The following RALA variants were observed in gnomAD, a reference collection of about 807,000 sequenced individuals.
RALA encodes RAS like proto-oncogene A, also known as ras-related protein Ral-A.
A neutral mutation model predicts 24.0 loss-of-function variants in RALA; 5 were observed. The observed-to-expected ratio is 0.21, with a 90% CI of 0.11 to 0.44. The LOEUF (loss-of-function observed/expected upper bound fraction) is 0.44. Ranked by LOEUF, RALA falls within the 20% of genes least tolerant of loss-of-function variation. The probability of loss-of-function intolerance (pLI) is 0.99; values close to 1 mark genes in which losing one functional copy is unlikely to be tolerated. For missense variants in RALA, 95 were observed against 241.2 expected (o/e 0.39, Z 4.01); for synonymous variants, 77 against 83.8 (o/e 0.92, Z 0.44).
chr7:39,674,042 T>TAAAAAAAAAAAAAAAA (rs367907893), intron 1 of RALA, among the ~76,000 whole-genome samples: 37 of 90,754 alleles, frequency 4.1e-4, no homozygotes, highest in African/African-American at 1.9e-3. Context: ...GCATGCACTG[T>TAAAAAAAAAAAAAAAA]AAATAAATAA....
At chr7:39,638,449 TTTTGTTGCTTAG>T (rs150212584) in intron 1 of RALA, among the ~76,000 whole-genome samples, 371 of 152,314 alleles carry the variant, frequency 2.4e-3, no homozygotes, top group African/African-American at 8.4e-3. Flanking sequence ...AGTAGTTCTT[TTTTGTTGCTTAG>T]TAGTATTCTA....
At chr7:39,681,561 TCTC>T (rs1457609716) in intron 1 of RALA, among the ~76,000 whole-genome samples, 3 of 151,986 alleles carry the variant, frequency 2.0e-5, no homozygotes, top group African/African-American at 7.3e-5. Context: ...CTTTTTTGTC[TCTC>T]CTCATATCTC....
chr7:39,686,099 A>G (rs755646412), intron 1 of RALA, among the ~76,000 whole-genome samples: 8 of 151,770 alleles, frequency 5.3e-5, no homozygotes, highest in Admixed American at 3.3e-4. Context: ...CCAGCTACTC[A>G]GGAGGCTGAG....
chr7:39,696,937 A>G, intron 4 of RALA, 78 bp downstream of exon 4: 1 of 1,348,670 alleles, frequency 7.4e-7, no homozygotes, highest in Non-Finnish European at 1.0e-6. Context: ...TTGTCTGGAG[A>G]GTCTATGAAA....
At chr7:39,669,183 G>T (rs1792338984) in intron 1 of RALA, among the ~76,000 whole-genome samples, 1 of 152,088 alleles carries the variant, frequency 6.6e-6, no homozygotes, top group Non-Finnish European at 1.5e-5. Context: ...GCAAAATGAT[G>T]TATAAGAATT....
chr7:39,644,883 T>C (rs1791898748), intron 1 of RALA, among the ~76,000 whole-genome samples: 4 of 152,260 alleles, frequency 2.6e-5, no homozygotes, highest in Admixed American at 2.6e-4. Context: ...TAGTAAACTT[T>C]TCTATGCCTT....
chr7:39,672,900 CTG>C (rs1290487580), intron 1 of RALA, among the ~76,000 whole-genome samples: 3 of 152,166 alleles, frequency 2.0e-5, no homozygotes, highest in Non-Finnish European at 4.4e-5. Context: ...AGTTACATGA[CTG>C]TATACATTTA....
chr7:39,675,205 T>C (rs1419010757), intron 1 of RALA, among the ~76,000 whole-genome samples: 1 of 152,222 alleles, frequency 6.6e-6, no homozygotes, highest in African/African-American at 2.4e-5. Flanking sequence ...AATCTGGGCA[T>C]GTGCAGAAAA....
At chr7:39,695,067 GAA>G (rs895982043) in intron 3 of RALA, among the ~76,000 whole-genome samples, 1 of 128,240 alleles carries the variant, frequency 7.8e-6, no homozygotes, top group African/African-American at 2.9e-5. Context: ...TCAAAAAAAA[GAA>G]AAAAAAAAAA....
chr7:39,643,048 A>G (rs1791848456), intron 1 of RALA, among the ~76,000 whole-genome samples: 1 of 152,230 alleles, frequency 6.6e-6, no homozygotes, highest in South Asian at 2.1e-4. Flanking sequence ...TGGAATCTGT[A>G]GATTTCCTTC....
intron 1 of RALA, among the ~76,000 whole-genome samples, chr7:39,672,366 C>G (rs913386706): frequency 1.3e-5 from 2 of 152,146 alleles, no homozygotes; most frequent in Non-Finnish European, 2.9e-5. Context: ...TACACATTCA[C>G]TAGACTGCCT....
At chr7:39,683,252 C>T (rs985707593) in intron 1 of RALA, among the ~76,000 whole-genome samples, 1 of 152,158 alleles carries the variant, frequency 6.6e-6, no homozygotes, top group Non-Finnish European at 1.5e-5. Context: ...TTCATGTACT[C>T]TGGCCTTCTT....
chr7:39,645,029 A>C (rs1189496511), intron 1 of RALA, among the ~76,000 whole-genome samples: 1 of 152,186 alleles, frequency 6.6e-6, no homozygotes, highest in East Asian at 1.9e-4. Flanking sequence ...CTTTCTTTAC[A>C]GTGATGGATT....
chr7:39,706,336 T>G lies in RALA; in HGVS notation c.*91T>G. On this transcript the variant is annotated 3_prime_UTR_variant, in exon 5 of 5. Coordinates refer to ENST00000005257, the MANE Select transcript of RALA (RefSeq NM_005402.4). ...GAAGGCTTAATTGACTGAAATTACT[T>G]TAACATTTTGGAAATTGTTGTATAT... 2.2e-6 allele frequency: 3 copies of G among 1,394,272 alleles called. No homozygotes were observed. The highest frequency in any genetic ancestry group is 2.9e-6 in the Non-Finnish European group (3 of 1,031,016). The allele number at this position is 1,394,272 out of a possible 1,614,324, so 86.4% of individuals were successfully genotyped here.
At chr7:39,664,634 A>G (rs1168727052) in intron 1 of RALA, among the ~76,000 whole-genome samples, 2 of 152,204 alleles carry the variant, frequency 1.3e-5, no homozygotes, top group Non-Finnish European at 2.9e-5. Context: ...GAAAGCCTAG[A>G]AGGCTCACAC....
intron 3 of RALA, among the ~76,000 whole-genome samples, chr7:39,692,124 G>A (rs13247563): frequency 0.31 from 47,579 of 151,974 alleles, 8,216 homozygotes; most frequent in Non-Finnish European, 0.4. Context: ...GGTCTGAATG[G>A]TTACAGTGGG....
intron 1 of RALA, among the ~76,000 whole-genome samples, chr7:39,642,912 C>G (rs183111686): frequency 6.6e-5 from 10 of 152,344 alleles, no homozygotes; most frequent in Non-Finnish European, 1.2e-4. Context: ...ACACATCATT[C>G]ATTTCTTTAG....
intron 1 of RALA, among the ~76,000 whole-genome samples, chr7:39,675,483 C>T (rs1792468123): frequency 6.6e-6 from 1 of 152,174 alleles, no homozygotes; most frequent in Non-Finnish European, 1.5e-5. Flanking sequence ...AGCCCGTAAT[C>T]CTAACATGGA....
chr7:39,629,198 C>A (rs1233613139), intron 1 of RALA, among the ~76,000 whole-genome samples: 2 of 152,144 alleles, frequency 1.3e-5, no homozygotes, highest in Non-Finnish European at 2.9e-5. Context: ...GCATTCCTAC[C>A]AGCAGTGTAT....
Sources: gnomAD v4.1 joint callset for allele counts (sites outside exome capture counted in the v4.1 genomes callset) on GRCh38, gnomAD v4.1.1 for gene constraint, MANE v1.5 for transcripts, NCBI Gene and HGNC (gene_info 2026-07-23, HGNC 2026-07-21) for gene names.